SYNRG: variants seen among roughly 807,000 people sequenced by gnomAD.
The protein encoded by SYNRG is synergin gamma.
A neutral mutation model predicts 130.9 loss-of-function variants in SYNRG; 37 were observed. The observed-to-expected ratio is 0.28, with a 90% CI of 0.22 to 0.37. The LOEUF (loss-of-function observed/expected upper bound fraction) is 0.37. Ranked by LOEUF, SYNRG falls within the 10% of genes least tolerant of loss-of-function variation. The pLI is 1.00. For missense variants in SYNRG, 1,338 were observed against 1,588.9 expected (o/e 0.84, Z 2.68); for synonymous variants, 539 against 568.1 (o/e 0.95, Z 0.73).
At chr17:37,605,108 G>C (rs770463275) in intron 1 of SYNRG, among the ~76,000 whole-genome samples, 1 of 152,136 alleles carries the variant, frequency 6.6e-6, no homozygotes, top group Non-Finnish European at 1.5e-5. Context: ...GAAAAATTGC[G>C]CGGATAAACT....
chr17:37,555,186 G>A (rs1281308157), intron 13 of SYNRG, among the ~76,000 whole-genome samples: 1 of 152,054 alleles, frequency 6.6e-6, no homozygotes, highest in Non-Finnish European at 1.5e-5. Flanking sequence ...GAGTACAATG[G>A]TGTGATCTCA....
At chr17:37,530,268 C>T (rs1432694120) in intron 19 of SYNRG, among the ~76,000 whole-genome samples, 4 of 152,166 alleles carry the variant, frequency 2.6e-5, no homozygotes, top group African/African-American at 4.8e-5. Flanking sequence ...GCTTCAGTTT[C>T]TTCATCTGTA....
intron 6 of SYNRG, among the ~76,000 whole-genome samples, chr17:37,580,504 TGTGTGTGAGAGA>T (rs1297246033): frequency 8.6e-6 from 1 of 116,328 alleles, no homozygotes; most frequent in African/African-American, 3.6e-5. Context: ...TGTGTGTGTG[TGTGTGTGAGAGA>T]GAGAGAGAGA....
chr17:37,546,954 T>TGA (rs1435021604), intron 14 of SYNRG, among the ~76,000 whole-genome samples: 5 of 152,186 alleles, frequency 3.3e-5, no homozygotes, highest in African/African-American at 1.2e-4. Flanking sequence ...GATCTACCTA[T>TGA]GAGATCAGTC....
intron 18 of SYNRG, 74 bp downstream of exon 18, chr17:37,538,250 A>T: frequency 8.6e-7 from 1 of 1,166,494 alleles, no homozygotes; most frequent in Non-Finnish European, 1.2e-6. Context: ...GATCTAGCTT[A>T]AAATAATTAA....
At chr17:37,594,304 A>G (rs1247930926) in intron 3 of SYNRG, among the ~76,000 whole-genome samples, 2 of 147,580 alleles carry the variant, frequency 1.4e-5, no homozygotes, top group Non-Finnish European at 3.0e-5. Context: ...TTACAATATT[A>G]ATTATTTTAA....
rs143292090 is a variant in SYNRG, at chr17:37,542,669, T to G, written c.2609-104A>C. 1.0e-4 allele frequency: 83 copies of G among 804,266 alleles called. 1 individual carries two copies. In the African/African-American group the frequency reaches 1.2e-3, roughly 11 times the overall value. The allele number at this position is 804,266 out of a possible 1,614,324, so 49.8% of individuals were successfully genotyped here. ...CTAGCATATTTGATTAGTTTTATAC[T>G]ATGTTGAAATTAGCTAAATTTAGAG... On this transcript the variant is annotated intron_variant, in intron 14 of 21. Transcript: ENST00000612223.
intron 3 of SYNRG, among the ~76,000 whole-genome samples, chr17:37,595,509 G>A (rs2062685454): frequency 6.6e-6 from 1 of 152,120 alleles, no homozygotes; most frequent in Non-Finnish European, 1.5e-5. Context: ...GGAGAAAGTG[G>A]GGGAAGGGTT....
intron 19 of SYNRG, chr17:37,529,685 C>T (rs1321774709): frequency 3.5e-6 from 4 of 1,156,498 alleles, no homozygotes; most frequent in Non-Finnish European, 4.9e-6. Context: ...GAGGAGCTAC[C>T]TCAAGAAGTA....
Position 37,542,071 on chromosome 17 carries a change from T to C in SYNRG, c.3103A>G (p.Ser1035Gly). 6.2e-7 allele frequency: 1 copy of C among 1,614,262 alleles called. No individual in the cohort carries two copies. Reference sequence around the variant, plus strand: ...GTGGCTACTAAGAAGTCAAATTTGCTGATTTTGGGCTTTTCACTTTGAAAC... The same window carrying C: ...GTGGCTACTAAGAAGTCAAATTTGCCGATTTTGGGCTTTTCACTTTGAAAC... ...GEFQSEKPKISKFDFLVATSQ... is the reference protein window; with the variant it reads ...GEFQSEKPKIGKFDFLVATSQ... The change falls in exon 15 of 22, where the codon AGC becomes GGC. Residue 1035 changes from serine to glycine, a missense_variant. By Grantham distance (56) the Ser-to-Gly change is moderately conservative (BLOSUM62 0). Around this residue, in one of 3 missense-constraint regions of SYNRG, gnomAD observed 1,146 missense variants for 1,342.3 expected, o/e 0.85. Coordinates refer to ENST00000612223, the MANE Select transcript of SYNRG (RefSeq NM_007247.6).
intron 19 of SYNRG, among the ~76,000 whole-genome samples, chr17:37,530,685 C>T (rs2056537598): frequency 6.6e-6 from 1 of 152,182 alleles, no homozygotes; most frequent in Admixed American, 6.5e-5. Context: ...CTCATTCAGA[C>T]CCCAAGAATT....
chr17:37,575,902 G>A (rs1178799509), intron 8 of SYNRG, among the ~76,000 whole-genome samples: 9 of 138,378 alleles, frequency 6.5e-5, no homozygotes, highest in Non-Finnish European at 1.3e-4. Context: ...TGAAAAAAAA[G>A]ATCCCACATG....
intron 11 of SYNRG, among the ~76,000 whole-genome samples, chr17:37,565,508 G>T (rs537416013): frequency 6.8e-6 from 1 of 146,372 alleles, no homozygotes; most frequent in South Asian, 2.2e-4. Flanking sequence ...GCCGCCCATC[G>T]TCTGGGATGT....
intron 18 of SYNRG, chr17:37,537,612 A>C (rs987674507): frequency 6.6e-6 from 1 of 152,256 alleles, no homozygotes; most frequent in African/African-American, 2.4e-5. Flanking sequence ...CCTGGGTGAC[A>C]GAGTGTGAAC....
chr17:37,549,081 G>A (rs1265259399), intron 14 of SYNRG, among the ~76,000 whole-genome samples: 1 of 148,948 alleles, frequency 6.7e-6, no homozygotes, highest in Non-Finnish European at 1.5e-5. Flanking sequence ...GTTGCAGTGA[G>A]CTGAGATTGT....
intron 14 of SYNRG, among the ~76,000 whole-genome samples, chr17:37,546,164 A>G (rs1219367897): frequency 6.6e-6 from 1 of 152,250 alleles, no homozygotes; most frequent in Non-Finnish European, 1.5e-5. Context: ...TACAACATAA[A>G]TGATAGAAAA....
chr17:37,577,350 A>C, intron 7 of SYNRG, 30 bp downstream of exon 7: 1 of 1,601,456 alleles, frequency 6.2e-7, no homozygotes, highest in Non-Finnish European at 8.6e-7. Flanking sequence ...TGGTTAAACA[A>C]GTTTTTTGCT....
In SYNRG at chr17:37,603,820, T is replaced by G. The variant is rs557893105; in HGVS notation, c.78-3417A>C. Among the ~76,000 whole-genome samples the G allele has an allele frequency of 1.3e-4, 20 of 152,284 alleles. No homozygotes were observed. The South Asian group carries it at 3.9e-3, about 30-fold the overall frequency. On this transcript the variant is annotated intron_variant, in intron 1 of 21. Transcript: ENST00000612223. ...GCCCTGAGATTTTCATAGTGGTCAG[T>G]GAGTATTGGTTTAATTTAAAGTTAC... is the stretch of plus-strand genomic sequence containing the variant.
chr17:37,576,281 A>G (rs2060828728), intron 8 of SYNRG, 60 bp downstream of exon 8: 3 of 1,526,910 alleles, frequency 2.0e-6, no homozygotes. Flanking sequence ...TTACAACTAC[A>G]TTTACAATAT....
Sources: allele counts gnomAD v4.1 joint callset (sites outside exome capture counted in the v4.1 genomes callset), GRCh38; gene constraint gnomAD v4.1.1; regional missense constraint gnomAD v4.1.1; transcripts MANE v1.5; gene names NCBI Gene and HGNC (gene_info 2026-07-23, HGNC 2026-07-21).